ROR1: variants seen among roughly 807,000 people sequenced by gnomAD.
The protein encoded by ROR1 is inactive tyrosine-protein kinase transmembrane receptor ROR1.
A neutral mutation model predicts 78.8 loss-of-function variants in ROR1; 19 were observed. The ratio of observed to expected loss-of-function variants is 0.24; its 90% confidence interval spans 0.17 to 0.35. The LOEUF (loss-of-function observed/expected upper bound fraction) is 0.35. Among genes scored for constraint, ROR1 ranks in the 10% least tolerant of loss-of-function variants. ROR1 has a pLI of 1.00. For missense variants in ROR1, 917 were observed against 1,177.8 expected (o/e 0.78, Z 3.24); for synonymous variants, 386 against 433.6 (o/e 0.89, Z 1.36).
At chr1:64,015,395 A>G (rs565505677) in intron 2 of ROR1, among the ~76,000 whole-genome samples, 9 of 152,240 alleles carry the variant, frequency 5.9e-5, no homozygotes, top group Admixed American at 5.9e-4. Context: ...ATACAGATAC[A>G]TCTTAGACTC....
At chr1:64,153,773 T>C (rs1351854409) in intron 7 of ROR1, among the ~76,000 whole-genome samples, 1 of 152,172 alleles carries the variant, frequency 6.6e-6, no homozygotes, top group African/African-American at 2.4e-5. Context: ...AGTTATTCAA[T>C]GGGCATAGAG....
chr1:63,832,971 C>T (rs1296852481), intron 1 of ROR1, among the ~76,000 whole-genome samples: 1 of 152,238 alleles, frequency 6.6e-6, no homozygotes, highest in African/African-American at 2.4e-5. Context: ...CCCCCACCCA[C>T]CACTTCACAA....
At position 64,178,401 on chromosome 1, in the gene ROR1, C is replaced by T; in HGVS notation, c.2360C>T (p.Pro787Leu). 5 of 1,614,202 alleles carry T rather than the reference C, an allele frequency of 3.1e-6. No homozygotes were observed. Among genetic ancestry groups the T allele is most frequent in the Non-Finnish European group, 4.2e-6 (5 of 1,180,028 alleles). Residue 787 changes from proline (P) to leucine (L), a missense_variant, in exon 9 of 9, where the codon CCT (proline) becomes CTT (leucine). Around this residue, in one of 3 missense-constraint regions of ROR1, gnomAD observed 835 missense variants for 1,069.8 expected, o/e 0.78. Coordinates refer to ENST00000371079, the MANE Select transcript of ROR1 (RefSeq NM_005012.4). This position sits in a 1 kb window ranked among gnomAD's most constrained non-coding sequence, Gnocchi z 4.3. Reference sequence around the variant, plus strand: ...AGTAATCTCAGTAACCCCAGATATCCTAATTACATGTTCCCGAGCCAGGGT... The same window carrying T: ...AGTAATCTCAGTAACCCCAGATATCTTAATTACATGTTCCCGAGCCAGGGT... ...PVSNLSNPRYPNYMFPSQGIT... is the reference protein window; with the variant it reads ...PVSNLSNPRYLNYMFPSQGIT...
chr1:63,905,489 C>T (rs1032446429), intron 1 of ROR1, among the ~76,000 whole-genome samples: 1 of 152,138 alleles, frequency 6.6e-6, no homozygotes, highest in African/African-American at 2.4e-5. Flanking sequence ...AACTAATCAA[C>T]TTTCTAATGC....
chr1:63,976,149 G>A (rs1646159089), intron 1 of ROR1, among the ~76,000 whole-genome samples: 1 of 152,182 alleles, frequency 6.6e-6, no homozygotes, highest in Admixed American at 6.5e-5. Context: ...TGATACACTA[G>A]TGGTAAAGCT....
chr1:64,155,041 G>C (rs904875239), intron 7 of ROR1, among the ~76,000 whole-genome samples: 1 of 152,168 alleles, frequency 6.6e-6, no homozygotes, highest in Non-Finnish European at 1.5e-5. Context: ...GGGTAATTTT[G>C]ATTAGTAATA....
chr1:63,781,816 C>G (rs1443566251), intron 1 of ROR1, among the ~76,000 whole-genome samples: 1 of 152,170 alleles, frequency 6.6e-6, no homozygotes, highest in Non-Finnish European at 1.5e-5. Flanking sequence ...CCCCTGTGCA[C>G]TTTTTAAACA....
intron 1 of ROR1, among the ~76,000 whole-genome samples, chr1:63,852,207 C>T (rs1399720355): frequency 6.6e-6 from 1 of 152,214 alleles, no homozygotes; most frequent in Non-Finnish European, 1.5e-5. Context: ...AAGAAACTTG[C>T]CCCATATGCA....
intron 1 of ROR1, among the ~76,000 whole-genome samples, chr1:63,785,497 T>TTTTA (rs56141123): frequency 0.015 from 2,246 of 147,640 alleles, 29 homozygotes; most frequent in Middle Eastern, 0.021. Flanking sequence ...TATATATATA[T>TTTTA]TTTATTTATT....
intron 1 of ROR1, among the ~76,000 whole-genome samples, chr1:63,843,987 A>G (rs1203154041): frequency 6.6e-6 from 1 of 152,304 alleles, no homozygotes; most frequent in East Asian, 1.9e-4. Flanking sequence ...GCTCCTTAGC[A>G]TGACACCAAA....
intron 1 of ROR1, among the ~76,000 whole-genome samples, chr1:63,808,142 C>A (rs1350857478): frequency 6.6e-6 from 1 of 152,140 alleles, no homozygotes; most frequent in Non-Finnish European, 1.5e-5. Context: ...GCCAGCTTTC[C>A]TTGCAGCTGA....
intron 1 of ROR1, among the ~76,000 whole-genome samples, chr1:63,793,759 G>A (rs1473567815): frequency 6.6e-5 from 10 of 152,238 alleles, no homozygotes. Context: ...GTATATACCT[G>A]TGTAGCTGGC....
At chr1:64,152,805 G>T (rs1649665491) in intron 7 of ROR1, among the ~76,000 whole-genome samples, 1 of 152,110 alleles carries the variant, frequency 6.6e-6, no homozygotes, top group Non-Finnish European at 1.5e-5. Context: ...TATCATCAAT[G>T]ATAATGTTGA....
At chr1:63,921,810 C>G (rs1189970898) in intron 1 of ROR1, among the ~76,000 whole-genome samples, 1 of 152,158 alleles carries the variant, frequency 6.6e-6, no homozygotes, top group Non-Finnish European at 1.5e-5. Flanking sequence ...ACAAAGCAGA[C>G]TGGTAAACAT....
At chr1:64,171,039 C>G (rs1442855923) in intron 8 of ROR1, among the ~76,000 whole-genome samples, 1 of 152,222 alleles carries the variant, frequency 6.6e-6, no homozygotes, top group Non-Finnish European at 1.5e-5. Context: ...GCCCTCCAAA[C>G]TGTTCCAACC....
chr1:63,849,607 A>T (rs973265611), intron 1 of ROR1, among the ~76,000 whole-genome samples: 1 of 152,130 alleles, frequency 6.6e-6, no homozygotes, highest in African/African-American at 2.4e-5. Flanking sequence ...CTGAGTTGGG[A>T]AGGTCACTTG....
intron 1 of ROR1, among the ~76,000 whole-genome samples, chr1:63,908,080 T>C (rs1477916674): frequency 6.6e-6 from 1 of 152,186 alleles, no homozygotes; most frequent in Non-Finnish European, 1.5e-5. Flanking sequence ...TTACACTCAC[T>C]TGCTCCTCAG....
At chr1:63,788,727 C>A in intron 1 of ROR1, 2 of 408,608 alleles carry the variant, frequency 4.9e-6, no homozygotes, top group Non-Finnish European at 4.8e-6. Context: ...ATTTCCTTGT[C>A]TCTTCCTCCT....
At chr1:64,152,424 A>G (rs555063188) in intron 7 of ROR1, among the ~76,000 whole-genome samples, 1 of 152,336 alleles carries the variant, frequency 6.6e-6, no homozygotes, top group South Asian at 2.1e-4. Flanking sequence ...GTTCTTGATC[A>G]TTACCCAGTA....
Sources: gnomAD v4.1 joint callset for allele counts (sites outside exome capture counted in the v4.1 genomes callset) on GRCh38, gnomAD v4.1.1 for gene constraint, gnomAD v4.1.1 regional missense constraint, Gnocchi (gnomAD v3.1) non-coding constraint, MANE v1.5 for transcripts, NCBI Gene and HGNC (gene_info 2026-07-23, HGNC 2026-07-21) for gene names.